Variants in MYSM1 observed in about 807,000 individuals in gnomAD.
MYSM1 encodes deubiquitinase MYSM1.
MYSM1 carries 51 observed loss-of-function variants against 116.0 expected under a neutral mutation model. That is an observed-to-expected ratio of 0.44 (90% confidence interval 0.35 to 0.56). The LOEUF (loss-of-function observed/expected upper bound fraction) is 0.56, where lower values mean the gene tolerates loss of function less well. Ranked by LOEUF, MYSM1 falls within the 20% of genes least tolerant of loss-of-function variation. The pLI is 0.00. For missense variants in MYSM1, 900 were observed against 974.9 expected (o/e 0.92, Z 1.02); for synonymous variants, 313 against 315.2 (o/e 0.99, Z 0.07).
intron 12 of MYSM1, among the ~76,000 whole-genome samples, chr1:58,671,350 G>A (rs1443998865): frequency 6.6e-6 from 1 of 152,164 alleles, no homozygotes; most frequent in Non-Finnish European, 1.5e-5. Context: ...GCAAAAATAT[G>A]ATCTAGTGGC....
chr1:58,682,667 T>A (rs1399798062), intron 7 of MYSM1, 122 bp from the exon 8 acceptor site: 1 of 904,704 alleles, frequency 1.1e-6, no homozygotes, highest in African/African-American at 1.7e-5. Context: ...TGGTACATTA[T>A]ACCTCTAATG....
rs1293241023 is a variant in MYSM1 at position 58,668,041 on chromosome 1, A to C, written c.1768-120T>G. On this transcript the variant is annotated intron_variant, in intron 14 of 19. Transcript: ENST00000472487. ...TAGCCATCATGCTTTTATAAAATAA[A>C]GTAGCATAGGAGAGGAACTAGATGC... 3 of 764,224 alleles carry C rather than the reference A, an allele frequency of 3.9e-6. No individual in the cohort carries two copies. In the African/African-American group the frequency reaches 5.2e-5, roughly 13 times the overall value. 47.3% of individuals were successfully genotyped at this position (764,224 alleles called of 1,614,324 possible).
chr1:58,677,248 C>T (rs1028929943), intron 8 of MYSM1, among the ~76,000 whole-genome samples, 192 bp from the exon 9 acceptor site: 1 of 152,010 alleles, frequency 6.6e-6, no homozygotes, highest in Non-Finnish European at 1.5e-5. Flanking sequence ...TTAAATGATA[C>T]AATAACTTAT....
In MYSM1 at chr1:58,690,350, A is replaced by G. The variant is rs747340542; in HGVS notation, c.286T>C (p.Tyr96His). 2.5e-6 allele frequency: 4 copies of G among 1,602,904 alleles called. No homozygotes were observed. In the African/African-American group the frequency reaches 5.4e-5, roughly 22 times the overall value. Residue 96 changes from tyrosine to histidine, a missense_variant, in exon 4 of 20, where the codon TAC becomes CAC. Tyr to His is a moderately conservative substitution (Grantham distance 83). Coordinates refer to ENST00000472487, the MANE Select transcript of MYSM1 (RefSeq NM_001085487.3). ...WLDQKEDDKK[Y>H]MKSLQKTAKI... Reference sequence around the variant, plus strand: ...ATAAATTGATTTTACCTCTTCATGTATTTTTTATCATCTTCCTTTTGATCA... The same window carrying G: ...ATAAATTGATTTTACCTCTTCATGTGTTTTTTATCATCTTCCTTTTGATCA...
chr1:58,687,315 A>G (rs1413882660), intron 6 of MYSM1, among the ~76,000 whole-genome samples: 1 of 152,238 alleles, frequency 6.6e-6, no homozygotes, highest in Non-Finnish European at 1.5e-5. Flanking sequence ...GGAAGAAAAC[A>G]CAAAGAAGAC....
In MYSM1 at chr1:58,668,679, G is replaced by C; in HGVS notation, c.1720C>G (p.Pro574Ala). The change falls in exon 14 of 20, where the codon CCA (proline) becomes GCA (alanine). Residue 574 changes from proline (P) to alanine (A), a missense_variant. By Grantham distance (27) the Pro-to-Ala change is conservative. Transcript: ENST00000472487. ...TCTGAAGCCACTTTCACCTGAAATG[G>C]CTCCTGAAATATAAAAAACAAAACA... The part of the protein sequence containing the change: ...CNFFSEEKQE[P>A]FQVKVASEAL... 6.2e-7 allele frequency: 1 copy of C among 1,603,318 alleles called. No homozygotes were observed. The highest frequency in any genetic ancestry group is 8.5e-7 in the Non-Finnish European group (1 of 1,174,604).
At chr1:58,679,679 G>C (rs144815560) in intron 8 of MYSM1, among the ~76,000 whole-genome samples, 2,228 of 152,120 alleles carry the variant, frequency 0.015, 27 homozygotes, top group Middle Eastern at 0.068. Context: ...AACTAGTCTC[G>C]AACTCCTGGC....
Position 58,682,473 on chromosome 1 carries a change from T to TA in MYSM1, c.570dup (p.Lys191Ter). ...GATGGTGTCCATGCCTTTGTCCCTT[T>TA]ATCTTCATTTTTAACTTGAAGATTA... On this transcript the variant is annotated frameshift_variant, in exon 8 of 20. Coordinates refer to ENST00000472487, the MANE Select transcript of MYSM1 (RefSeq NM_001085487.3). LOFTEE classifies it high-confidence loss of function. 6.2e-7 allele frequency: 1 copy of TA among 1,614,088 alleles called. No homozygotes were observed. Among genetic ancestry groups the TA allele is most frequent in the Non-Finnish European group, 8.5e-7 (1 of 1,179,990 alleles).
intron 5 of MYSM1, chr1:58,689,645 A>G (rs1207606694): frequency 1.3e-5 from 2 of 152,952 alleles, no homozygotes; most frequent in Admixed American, 6.5e-5. Context: ...TAAGCAACCC[A>G]TTAATCCTTT....
At position 58,678,637 on chromosome 1, in the gene MYSM1, C is replaced by G. The variant is rs189109856; in HGVS notation, c.1260-1581G>C. On this transcript the variant is annotated intron_variant, in intron 8 of 19. Transcript: ENST00000472487. The stretch of plus-strand genomic sequence containing the variant: ...TCATGGGGGTTGAGGGGAGAAGAGA[C>G]AGTAAACAAATAAAAATGTAATTAT... 2.4e-4 allele frequency among the ~76,000 whole-genome samples: 37 copies of G among 152,026 alleles called. No homozygotes were observed. The East Asian group carries it at 7.0e-3, about 29-fold the overall frequency.
intron 1 of MYSM1, 40 bp downstream of exon 1, chr1:58,699,945 C>T: frequency 6.2e-7 from 1 of 1,608,046 alleles, no homozygotes; most frequent in Non-Finnish European, 8.5e-7. Flanking sequence ...TCAATCCACT[C>T]CCCTCTCCGC....
rs1644323224 is a variant in MYSM1 at position 58,656,672 on chromosome 1, T to C, written c.*3325A>G. 6.6e-6 allele frequency: 1 copy of C among 152,058 alleles called. No individual in the cohort carries two copies. The highest frequency in any genetic ancestry group is 2.1e-4 in the South Asian group (1 of 4,822). 9.4% of individuals were successfully genotyped at this position (152,058 alleles called of 1,614,324 possible). On this transcript the variant is annotated 3_prime_UTR_variant, in exon 20 of 20. Coordinates refer to ENST00000472487, the MANE Select transcript of MYSM1 (RefSeq NM_001085487.3). ...GAAACTGCAGTGCTCCTGGATGGAG[T>C]GGCAAAGGCTTCTCCAAGGACTGTG...
chr1:58,689,633 T>G (rs1644875464), intron 5 of MYSM1: 1 of 152,688 alleles, frequency 6.5e-6, no homozygotes, highest in Non-Finnish European at 1.5e-5. Flanking sequence ...AGCTCACTAA[T>G]TTAAGCAACC....
At chr1:58,675,360 G>C (rs1314864188) in intron 10 of MYSM1, 117 bp downstream of exon 10, 1 of 700,680 alleles carries the variant, frequency 1.4e-6, no homozygotes, top group African/African-American at 1.8e-5. Flanking sequence ...AACACAAGAG[G>C]AAACATGTTT....
chr1:58,676,330 C>T (rs775914035), intron 9 of MYSM1, among the ~76,000 whole-genome samples: 14 of 150,336 alleles, frequency 9.3e-5, no homozygotes, highest in Non-Finnish European at 1.9e-4. Flanking sequence ...GCAAAAGAAT[C>T]GCTTGAACCC....
chr1:58,668,625 T>A lies in MYSM1; in HGVS notation c.1767+7A>T. The stretch of plus-strand genomic sequence containing the variant: ...ATAACTAAGTAAACACAATAGATTA[T>A]CCTTACCAAATCCATTATTAAAAGT... On this transcript the variant is annotated splice_region_variant and intron_variant, in intron 14 of 19. Coordinates refer to ENST00000472487, the MANE Select transcript of MYSM1 (RefSeq NM_001085487.3). 1 of 1,600,616 alleles carries A rather than the reference T, an allele frequency of 6.2e-7. No individual in the cohort carries two copies. The highest frequency in any genetic ancestry group is 8.5e-7 in the Non-Finnish European group (1 of 1,172,936).
chr1:58,676,670 T>C (rs1644658216), intron 9 of MYSM1: 1 of 254,034 alleles, frequency 3.9e-6, no homozygotes, highest in Non-Finnish European at 7.5e-6. Flanking sequence ...TAAAGAACTG[T>C]ATTCTTAAAT....
rs556588855 is a variant in MYSM1 at position 58,699,549 on chromosome 1, C to T, written c.68+436G>A. ...TTCTCGGGAAGTTTTACAACTATCCCCATGTGGAAGAAGGGATGAAACGAC... is the reference window on the plus strand; with the variant it reads ...TTCTCGGGAAGTTTTACAACTATCCTCATGTGGAAGAAGGGATGAAACGAC... On this transcript the variant is annotated intron_variant, in intron 1 of 19. Coordinates refer to ENST00000472487, the MANE Select transcript of MYSM1 (RefSeq NM_001085487.3). 9 of 839,614 alleles carry T rather than the reference C, an allele frequency of 1.1e-5. No homozygotes were observed. In the South Asian group the frequency reaches 4.9e-4, roughly 46 times the overall value. The allele number at this position is 839,614 out of a possible 1,614,324, so 52.0% of individuals were successfully genotyped here.
chr1:58,680,979 GC>G (rs1175010368), intron 8 of MYSM1, among the ~76,000 whole-genome samples: 1 of 151,866 alleles, frequency 6.6e-6, no homozygotes, highest in Non-Finnish European at 1.5e-5. Flanking sequence ...CTGCCACAAT[GC>G]CCAGCTAATA....
Sources: allele counts gnomAD v4.1 joint callset (sites outside exome capture counted in the v4.1 genomes callset), GRCh38; gene constraint gnomAD v4.1.1; transcripts MANE v1.5; gene names NCBI Gene and HGNC (gene_info 2026-07-23, HGNC 2026-07-21).